ELOVL6: variants seen among roughly 807,000 people sequenced by gnomAD.
ELOVL6 encodes the protein ELOVL fatty acid elongase 6, also known as very long chain fatty acid elongase 6.
A neutral mutation model predicts 31.7 loss-of-function variants in ELOVL6; 8 were observed. The observed-to-expected ratio is 0.25, with a 90% CI of 0.15 to 0.45. The LOEUF (loss-of-function observed/expected upper bound fraction) is 0.45. Among genes scored for constraint, ELOVL6 ranks in the 20% least tolerant of loss-of-function variants. The pLI is 1.00. For synonymous variants in ELOVL6, 101 were observed against 117.7 expected, an observed-to-expected ratio of 0.86 and a Z score of 0.92; for missense variants, 126 against 326.4, an observed-to-expected ratio of 0.39 and a Z score of 4.73.
chr4:110,147,192 C>A, intron 1 of ELOVL6: 1 of 168,734 alleles, frequency 5.9e-6, no homozygotes, highest in Non-Finnish European at 1.2e-5. Context: ...AGGTTGGATA[C>A]AGAAAAAGAT....
At chr4:110,088,357 G>T (rs902602549) in intron 2 of ELOVL6, among the ~76,000 whole-genome samples, 1 of 152,136 alleles carries the variant, frequency 6.6e-6, no homozygotes, top group African/African-American at 2.4e-5. Context: ...ACCCAACGGG[G>T]ACACATTCCA....
chr4:110,129,891 A>ATTTTTTTTTTTTT (rs371838858), intron 1 of ELOVL6, among the ~76,000 whole-genome samples: 1 of 93,540 alleles, frequency 1.1e-5, no homozygotes, highest in Non-Finnish European at 1.9e-5. Flanking sequence ...ATCCAATCCA[A>ATTTTTTTTTTTTT]TTTTTTTTTT....
intron 1 of ELOVL6, among the ~76,000 whole-genome samples, chr4:110,149,865 A>C (rs1414451021): frequency 1.3e-5 from 2 of 152,192 alleles, no homozygotes; most frequent in African/African-American, 4.8e-5. Flanking sequence ...AAAATAATTA[A>C]TAAATGTATT....
intron 1 of ELOVL6, among the ~76,000 whole-genome samples, chr4:110,130,677 C>G (rs1470238457): frequency 6.6e-6 from 1 of 152,212 alleles, no homozygotes. Flanking sequence ...CCACCATCAT[C>G]CATCCGGCCA....
intron 2 of ELOVL6, among the ~76,000 whole-genome samples, chr4:110,062,335 G>A (rs138450088): frequency 1.3e-5 from 2 of 152,186 alleles, no homozygotes; most frequent in African/African-American, 4.8e-5. Flanking sequence ...GAGGACAGTA[G>A]CACTTTTCAG....
At chr4:110,122,558 T>C (rs1269102154) in intron 1 of ELOVL6, among the ~76,000 whole-genome samples, 2 of 152,168 alleles carry the variant, frequency 1.3e-5, no homozygotes, top group African/African-American at 2.4e-5. Context: ...TGTGTGTTTT[T>C]GTAGAGATGA....
intron 2 of ELOVL6, among the ~76,000 whole-genome samples, chr4:110,076,754 A>G (rs1377611700): frequency 1.3e-5 from 2 of 152,202 alleles, no homozygotes; most frequent in African/African-American, 4.8e-5. Context: ...CAGTGGGTGC[A>G]GCGCACCGAG....
chr4:110,052,856 A>G (rs1754870856), intron 3 of ELOVL6, among the ~76,000 whole-genome samples: 1 of 152,234 alleles, frequency 6.6e-6, no homozygotes, highest in African/African-American at 2.4e-5. Flanking sequence ...TATGGTTATG[A>G]GACATGGGAA....
intron 1 of ELOVL6, among the ~76,000 whole-genome samples, chr4:110,196,981 C>T (rs1313019566): frequency 6.6e-6 from 1 of 152,202 alleles, no homozygotes; most frequent in Non-Finnish European, 1.5e-5. Context: ...TTCGCAGCTG[C>T]GGCCCCGTGG....
At chr4:110,148,700 G>A (rs1758197549) in intron 1 of ELOVL6, among the ~76,000 whole-genome samples, 1 of 152,000 alleles carries the variant, frequency 6.6e-6, no homozygotes, top group Non-Finnish European at 1.5e-5. Flanking sequence ...TCCATGAAGT[G>A]ATTATTATAC....
intron 1 of ELOVL6, 163 bp downstream of exon 1, chr4:110,198,084 C>G (rs891005109): frequency 2.6e-5 from 15 of 577,466 alleles, no homozygotes; most frequent in South Asian, 1.1e-4. Flanking sequence ...ACCCCCCCCC[C>G]CCCAGCGTCT....
At chr4:110,084,783 T>G (rs1331583842) in intron 2 of ELOVL6, among the ~76,000 whole-genome samples, 1 of 150,616 alleles carries the variant, frequency 6.6e-6, no homozygotes, top group Non-Finnish European at 1.5e-5. Context: ...TTAGTAGAGA[T>G]GGGGTTTCAC....
At chr4:110,077,704 A>G (rs1755687548) in intron 2 of ELOVL6, among the ~76,000 whole-genome samples, 1 of 152,216 alleles carries the variant, frequency 6.6e-6, no homozygotes, top group African/African-American at 2.4e-5. Flanking sequence ...AAAGGAACGC[A>G]ACTCCTCACC....
At chr4:110,063,750 TA>T (rs10658072) in intron 2 of ELOVL6, among the ~76,000 whole-genome samples, 109 of 143,800 alleles carry the variant, frequency 7.6e-4, no homozygotes, top group Non-Finnish European at 6.4e-4. Flanking sequence ...GGTCATACTT[TA>T]AAAAAAAAAA....
At chr4:110,072,370 G>T (rs1332702132) in intron 2 of ELOVL6, among the ~76,000 whole-genome samples, 1 of 152,220 alleles carries the variant, frequency 6.6e-6, no homozygotes, top group Non-Finnish European at 1.5e-5. Flanking sequence ...CAGGTACTTG[G>T]GAGGCTGAGG....
chr4:110,144,613 C>T (rs1003784571), intron 1 of ELOVL6, among the ~76,000 whole-genome samples: 1 of 152,158 alleles, frequency 6.6e-6, no homozygotes, highest in Non-Finnish European at 1.5e-5. Flanking sequence ...CAACTTTACA[C>T]TGGTACCTAA....
At chr4:110,153,511 T>C (rs1758336961) in intron 1 of ELOVL6, among the ~76,000 whole-genome samples, 1 of 152,188 alleles carries the variant, frequency 6.6e-6, no homozygotes, top group Non-Finnish European at 1.5e-5. Context: ...GAAATGTACT[T>C]ATTGACATAA....
intron 1 of ELOVL6, among the ~76,000 whole-genome samples, chr4:110,159,443 T>G (rs1758566426): frequency 6.6e-6 from 1 of 152,162 alleles, no homozygotes; most frequent in Non-Finnish European, 1.5e-5. Flanking sequence ...AATTTTTTAC[T>G]ATAGAAATAA....
upstream of ELOVL6, chr4:110,198,620 G>A (rs1759896108): frequency 5.6e-6 from 2 of 358,554 alleles, no homozygotes; most frequent in Non-Finnish European, 1.0e-5. Context: ...CTTAGTGCCC[G>A]CACGTTTGTC....
Sources: gnomAD v4.1 joint callset for allele counts (sites outside exome capture counted in the v4.1 genomes callset) on GRCh38, gnomAD v4.1.1 for gene constraint, MANE v1.5 for transcripts, NCBI Gene and HGNC (gene_info 2026-07-23, HGNC 2026-07-21) for gene names.